Variants in CAB39L observed in about 807,000 individuals in gnomAD.
CAB39L encodes the protein calcium-binding protein 39-like.
A neutral mutation model predicts 39.1 loss-of-function variants in CAB39L; 23 were observed. That is an observed-to-expected ratio of 0.59 (90% CI 0.42 to 0.83). The LOEUF is 0.83. Ranked by LOEUF, CAB39L falls within the 40% of genes least tolerant of loss-of-function variation. CAB39L has a pLI of 0.00. For missense variants in CAB39L, 366 were observed against 391.9 expected (o/e 0.93, Z 0.56); for synonymous variants, 126 against 137.2 (o/e 0.92, Z 0.57).
At chr13:49,321,617 G>A (rs1456028040) in intron 10 of CAB39L, among the ~76,000 whole-genome samples, 2 of 152,128 alleles carry the variant, frequency 1.3e-5, no homozygotes, top group Non-Finnish European at 2.9e-5. Flanking sequence ...TGCCAGCTTC[G>A]CCCTCTCCAT....
At chr13:49,376,302 C>G (rs1196298090) in intron 5 of CAB39L, among the ~76,000 whole-genome samples, 1 of 152,198 alleles carries the variant, frequency 6.6e-6, no homozygotes, top group Non-Finnish European at 1.5e-5. Context: ...AGTCAATGCC[C>G]AAACTTGTCT....
In CAB39L at chr13:49,339,882, G is replaced by C. The variant is rs574379628; in HGVS notation, c.625-140C>G. 2.9e-6 allele frequency: 3 copies of C among 1,050,792 alleles called. No individual in the cohort carries two copies. The East Asian group carries it at 1.0e-4, about 36-fold the overall frequency. 65.1% of individuals were successfully genotyped at this position (1,050,792 alleles called of 1,614,324 possible). On this transcript the variant is annotated intron_variant, in intron 8 of 10. Coordinates refer to ENST00000409308, the MANE Select transcript of CAB39L (RefSeq NM_001079670.3). ...CTTCTTTACATGTGAAGACACTGGGGGACAGGGAGGTCAAGAATTACAAGA... is the reference window on the plus strand; with the variant it reads ...CTTCTTTACATGTGAAGACACTGGGCGACAGGGAGGTCAAGAATTACAAGA...
At chr13:49,416,121 G>A (rs1369349664) in intron 3 of CAB39L, among the ~76,000 whole-genome samples, 1 of 152,182 alleles carries the variant, frequency 6.6e-6, no homozygotes, top group Admixed American at 6.5e-5. Flanking sequence ...CACATCTTCT[G>A]GAAAGTCTTG....
At position 49,376,957 on chromosome 13, in the gene CAB39L, G is replaced by T. The variant is rs1007129038; in HGVS notation, c.276+10C>A. 1.9e-6 allele frequency: 3 copies of T among 1,583,532 alleles called. No individual in the cohort carries two copies. Among genetic ancestry groups the T allele is most frequent in the Non-Finnish European group, 2.6e-6 (3 of 1,163,598 alleles). The stretch of plus-strand genomic sequence containing the variant: ...AAAGCACCACTGACATCCTTTTACA[G>T]CTGGCTTACCTCAAAGTCTATCAGC... On this transcript the variant is annotated intron_variant, in intron 5 of 10. Transcript: ENST00000409308.
At chr13:49,354,807 C>A (rs1339515831) in intron 6 of CAB39L, among the ~76,000 whole-genome samples, 3 of 152,026 alleles carry the variant, frequency 2.0e-5, no homozygotes, top group Non-Finnish European at 4.4e-5. Flanking sequence ...TTAATGAAAG[C>A]CAAAATGTAA....
chr13:49,340,278 G>C (rs1004642207), intron 8 of CAB39L, among the ~76,000 whole-genome samples: 1 of 152,140 alleles, frequency 6.6e-6, no homozygotes, highest in Non-Finnish European at 1.5e-5. Context: ...TTCCTAACAT[G>C]GTCACCAACC....
At chr13:49,440,575 G>A (rs1022985874) in intron 1 of CAB39L, among the ~76,000 whole-genome samples, 3 of 151,728 alleles carry the variant, frequency 2.0e-5, no homozygotes, top group Non-Finnish European at 4.4e-5. Context: ...GCAGTATGGC[G>A]ATTCTAATGA....
intron 3 of CAB39L, among the ~76,000 whole-genome samples, chr13:49,413,332 T>A (rs891140640): frequency 4.6e-5 from 7 of 152,214 alleles, no homozygotes; most frequent in Admixed American, 1.3e-4. Flanking sequence ...ACAAAAATCA[T>A]AGACTTTATA....
At chr13:49,349,707 CCCA>C (rs1438241258) in intron 7 of CAB39L, among the ~76,000 whole-genome samples, 5 of 152,000 alleles carry the variant, frequency 3.3e-5, no homozygotes, top group Admixed American at 3.3e-4. Flanking sequence ...AACTTGATCA[CCCA>C]CTTTATACAC....
chr13:49,420,860 T>A (rs890302029), intron 3 of CAB39L, among the ~76,000 whole-genome samples: 3 of 151,990 alleles, frequency 2.0e-5, no homozygotes, highest in East Asian at 1.9e-4. Flanking sequence ...AGAAAAAAAA[T>A]TATTACATTT....
chr13:49,348,873 A>ACGGC (rs1356675286), intron 7 of CAB39L, among the ~76,000 whole-genome samples: 1 of 152,008 alleles, frequency 6.6e-6, no homozygotes, highest in African/African-American at 2.4e-5. Context: ...AATCTCTCTG[A>ACGGC]CGGCCCAGCC....
intron 3 of CAB39L, chr13:49,400,984 C>T (rs1956757605): frequency 6.6e-6 from 1 of 151,978 alleles, no homozygotes; most frequent in African/African-American, 2.4e-5. Flanking sequence ...CTCCTAGTAA[C>T]AGCAATTCAT....
At chr13:49,394,373 G>A (rs916750736) in intron 3 of CAB39L, among the ~76,000 whole-genome samples, 1 of 151,722 alleles carries the variant, frequency 6.6e-6, no homozygotes, top group African/African-American at 2.4e-5. Flanking sequence ...TAAGTTTTTT[G>A]TTGTTTTGAC....
At chr13:49,405,815 AT>A (rs1228179621) in intron 3 of CAB39L, among the ~76,000 whole-genome samples, 1 of 150,822 alleles carries the variant, frequency 6.6e-6, no homozygotes, top group Admixed American at 6.6e-5. Context: ...ACTCAATGGA[AT>A]AATATTCAGC....
rs546117876 is a variant in CAB39L, at chr13:49,383,007, A to G, written c.-31-66T>C. 1.1e-5 allele frequency: 7 copies of G among 628,168 alleles called. No homozygotes were observed. The East Asian group carries it at 1.2e-4, about 10-fold the overall frequency. The allele number at this position is 628,168 out of a possible 1,614,324, so 38.9% of individuals were successfully genotyped here. A position where few individuals can be genotyped will look rare whatever the true frequency, so the allele number is the denominator to read the frequency against. On this transcript the variant is annotated intron_variant, in intron 3 of 10. Transcript: ENST00000409308. ...TTAATATGCTTAAATTTTTATACCA[A>G]TGTCTTATAAGTTTTCAATAACATG...
At chr13:49,390,580 G>A (rs1309165284) in intron 3 of CAB39L, among the ~76,000 whole-genome samples, 1 of 152,144 alleles carries the variant, frequency 6.6e-6, no homozygotes, top group African/African-American at 2.4e-5. Flanking sequence ...AAACCCTGGG[G>A]GGGATGGTAA....
intron 3 of CAB39L, among the ~76,000 whole-genome samples, chr13:49,397,911 T>C (rs763148347): frequency 2.0e-5 from 3 of 152,174 alleles, no homozygotes; most frequent in Non-Finnish European, 2.9e-5. Context: ...TCATTCTTTC[T>C]TGTAAGCACA....
At chr13:49,421,586 G>T (rs1344191082) in intron 3 of CAB39L, among the ~76,000 whole-genome samples, 2 of 152,102 alleles carry the variant, frequency 1.3e-5, no homozygotes, top group African/African-American at 4.8e-5. Context: ...CTTGTTGAGT[G>T]CTGGACTTTC....
intron 3 of CAB39L, among the ~76,000 whole-genome samples, chr13:49,404,537 C>T (rs1466632897): frequency 6.6e-6 from 1 of 151,552 alleles, no homozygotes; most frequent in Non-Finnish European, 1.5e-5. Flanking sequence ...GACAAACATC[C>T]AGAAGCATCA....
Sources: allele counts gnomAD v4.1 joint callset (sites outside exome capture counted in the v4.1 genomes callset), GRCh38; gene constraint gnomAD v4.1.1; transcripts MANE v1.5; gene names NCBI Gene and HGNC (gene_info 2026-07-23, HGNC 2026-07-21).